Variants in NR3C1 observed in about 807,000 individuals in gnomAD.
NR3C1 encodes the protein nuclear receptor subfamily 3 group C member 1.
In NR3C1, 14 loss-of-function variants were observed where a neutral mutation model predicts 74.0. The observed-to-expected ratio is 0.19, with a 90% CI of 0.12 to 0.30. The LOEUF is 0.30. Ranked by LOEUF, NR3C1 falls within the 10% of genes least tolerant of loss-of-function variation. The probability of loss-of-function intolerance (pLI) is 1.00; values close to 1 mark genes in which losing one functional copy is unlikely to be tolerated. For synonymous variants in NR3C1, 308 were observed against 332.5 expected (o/e 0.93, Z 0.80); for missense variants, 695 against 909.8 (o/e 0.76, Z 3.04).
At chr5:143,293,874 T>TG (rs1816515473) in intron 7 of NR3C1, 13 of 979,840 alleles carry the variant, frequency 1.3e-5, no homozygotes, top group Non-Finnish European at 1.6e-5. Context: ...CTTTTTTTTT[T>TG]TTTTTTAAAC....
chr5:143,387,435 C>G (rs1837444680), intron 2 of NR3C1, among the ~76,000 whole-genome samples: 1 of 152,136 alleles, frequency 6.6e-6, no homozygotes, highest in Admixed American at 6.5e-5. Flanking sequence ...TTATTCTATT[C>G]TGTCTCTTCT....
At chr5:143,304,176 T>C (rs852975) in intron 4 of NR3C1, among the ~76,000 whole-genome samples, 43,965 of 151,926 alleles carry the variant, frequency 0.29, 6,608 homozygotes, top group Non-Finnish European at 0.32. Flanking sequence ...GAAGACTCTG[T>C]CAAAAGGCTC....
At chr5:143,427,615 G>C (rs1488360894) in intron 1 of NR3C1, among the ~76,000 whole-genome samples, 1 of 152,146 alleles carries the variant, frequency 6.6e-6, no homozygotes, top group Non-Finnish European at 1.5e-5. Context: ...CCGTTCTTCT[G>C]CAAGATGGCT....
At chr5:143,335,059 T>TG (rs1263698410) in intron 2 of NR3C1, among the ~76,000 whole-genome samples, 1 of 152,242 alleles carries the variant, frequency 6.6e-6, no homozygotes, top group African/African-American at 2.4e-5. Flanking sequence ...CACACCTTCT[T>TG]GACACTGCAG....
chr5:143,390,853 G>T (rs1838101180), intron 2 of NR3C1, among the ~76,000 whole-genome samples: 1 of 152,098 alleles, frequency 6.6e-6, no homozygotes, highest in South Asian at 2.1e-4. Flanking sequence ...ATGATTTGGA[G>T]TCACACAAAT....
At chr5:143,409,924 C>T (rs1339538702) in intron 1 of NR3C1, among the ~76,000 whole-genome samples, 1 of 152,126 alleles carries the variant, frequency 6.6e-6, no homozygotes, top group Non-Finnish European at 1.5e-5. Context: ...TGCTCATATG[C>T]GTGAAATGCC....
intron 2 of NR3C1, among the ~76,000 whole-genome samples, chr5:143,369,331 T>C (rs1833844616): frequency 1.3e-5 from 2 of 152,212 alleles, no homozygotes; most frequent in Non-Finnish European, 2.9e-5. Flanking sequence ...GATCCAGTAA[T>C]TCTACTCCTA....
At chr5:143,325,141 T>G (rs989922003) in intron 2 of NR3C1, among the ~76,000 whole-genome samples, 1 of 152,206 alleles carries the variant, frequency 6.6e-6, no homozygotes, top group Non-Finnish European at 1.5e-5. Flanking sequence ...TTTACTGTAT[T>G]AGTCCATTTT....
intron 7 of NR3C1, chr5:143,294,410 C>CT (rs36010586): frequency 7.0e-5 from 55 of 780,922 alleles, no homozygotes; most frequent in African/African-American, 1.7e-4. Flanking sequence ...TTAAAAAAGA[C>CT]TTTTTTTAGA....
intron 5 of NR3C1, among the ~76,000 whole-genome samples, chr5:143,299,013 T>TG (rs1817909397): frequency 6.8e-6 from 1 of 147,384 alleles, no homozygotes; most frequent in Non-Finnish European, 1.5e-5. Context: ...GTGTTTTTTT[T>TG]TTTTTTTTTT....
At chr5:143,326,704 A>G (rs1561574207) in intron 2 of NR3C1, among the ~76,000 whole-genome samples, 1 of 152,202 alleles carries the variant, frequency 6.6e-6, no homozygotes, top group Non-Finnish European at 1.5e-5. Flanking sequence ...AAAGTATCAA[A>G]TTGGGCATAC....
rs70995004 is a variant in NR3C1, at chr5:143,433,452, T to TTATATATA, written c.-14+1072_-14+1079dup. ...TATATATATAATTTATTTATTTAAATTATATATATATATATATATTTAATT... is the reference window on the plus strand; with the variant it reads ...TATATATATAATTTATTTATTTAAATTATATATATATATATATATATATATATTTAATT... On this transcript the variant is annotated intron_variant, in intron 1 of 8. Coordinates refer to the NR3C1 transcript ENST00000343796. 3.3e-5 allele frequency among the ~76,000 whole-genome samples: 4 copies of TTATATATA among 119,694 alleles called. 1 individual carries two copies. The highest frequency in any genetic ancestry group is 2.6e-4 in the South Asian group (1 of 3,860). 78.5% of individuals were successfully genotyped at this position (119,694 alleles called of 152,430 possible).
At chr5:143,309,459 A>G (rs1179848045) in intron 4 of NR3C1, among the ~76,000 whole-genome samples, 1 of 152,168 alleles carries the variant, frequency 6.6e-6, no homozygotes, top group Non-Finnish European at 1.5e-5. Context: ...CTGCAAGTGG[A>G]TATTTGGAGC....
chr5:143,311,966 C>G (rs1821080567), intron 3 of NR3C1, among the ~76,000 whole-genome samples: 1 of 149,168 alleles, frequency 6.7e-6, no homozygotes, highest in South Asian at 2.2e-4. Context: ...GCCCATTTTC[C>G]TGTCAACCCT....
chr5:143,400,488 C>T lies in NR3C1; in HGVS notation c.352G>A (p.Asp118Asn), dbSNP rs1223326476. ...ATGCTTTCTTCCAAAAGCTTTAAGT[C>T]TGTTTCCCCCGAGGAAAGGCTGATT... ...GQISLSSGET[D>N]LKLLEESIAN... Residue 118 changes from aspartate (D) to asparagine (N), a missense_variant, in exon 2 of 9, where the codon GAC becomes AAC. Physicochemically the swap from Asp to Asn is conservative, Grantham distance 23. Coordinates refer to ENST00000394464, the MANE Select transcript of NR3C1 (RefSeq NM_000176.3). 3 of 1,614,230 alleles carry T rather than the reference C, an allele frequency of 1.9e-6. No individual in the cohort carries two copies. Among genetic ancestry groups the T allele is most frequent in the Non-Finnish European group, 2.5e-6 (3 of 1,180,040 alleles).
chr5:143,426,131 A>C (rs935553587), intron 1 of NR3C1, among the ~76,000 whole-genome samples: 1 of 152,198 alleles, frequency 6.6e-6, no homozygotes, highest in Non-Finnish European at 1.5e-5. Flanking sequence ...AAAAGACTAC[A>C]TATTGTGTGA....
intron 2 of NR3C1, among the ~76,000 whole-genome samples, chr5:143,362,141 TAATC>T (rs1211752297): frequency 1.3e-5 from 2 of 152,194 alleles, no homozygotes; most frequent in Non-Finnish European, 2.9e-5. Flanking sequence ...ACCTGAAAAT[TAATC>T]AACGGCTTGA....
intron 1 of NR3C1, among the ~76,000 whole-genome samples, chr5:143,419,786 AAC>A (rs1188631129): frequency 6.6e-6 from 1 of 152,190 alleles, no homozygotes; most frequent in Non-Finnish European, 1.5e-5. Flanking sequence ...TGTCTTTGAT[AAC>A]ATCTTATCAG....
chr5:143,355,326 A>G (rs1387094667), intron 2 of NR3C1, among the ~76,000 whole-genome samples: 1 of 152,188 alleles, frequency 6.6e-6, no homozygotes, highest in Non-Finnish European at 1.5e-5. Flanking sequence ...TCTGGTATAC[A>G]GCCTTGGAAT....
Sources: allele counts gnomAD v4.1 joint callset (sites outside exome capture counted in the v4.1 genomes callset), GRCh38; gene constraint gnomAD v4.1.1; transcripts MANE v1.5; gene names NCBI Gene and HGNC (gene_info 2026-07-23, HGNC 2026-07-21).